The following CNTN5 variants were observed in gnomAD, a reference collection of about 807,000 sequenced individuals.
CNTN5 encodes the protein contactin-5.
CNTN5 carries 77 observed loss-of-function variants against 129.1 expected under a neutral mutation model. That is an observed-to-expected ratio of 0.60 (90% CI 0.50 to 0.72). The LOEUF (loss-of-function observed/expected upper bound fraction) is 0.72, where lower values mean the gene tolerates loss of function less well. CNTN5 is among the 30% of genes least tolerant of loss of function. The probability of loss-of-function intolerance (pLI) is 0.00; values close to 1 mark genes in which losing one functional copy is unlikely to be tolerated. For synonymous variants in CNTN5, 509 were observed against 465.6 expected, an observed-to-expected ratio of 1.09 and a Z score of -1.20; for missense variants, 1,478 against 1,328.8, an observed-to-expected ratio of 1.11 and a Z score of -1.75.
intron 3 of CNTN5, among the ~76,000 whole-genome samples, chr11:99,761,588 C>T (rs1944584205): frequency 1.3e-5 from 2 of 152,032 alleles, no homozygotes; most frequent in South Asian, 2.1e-4. Flanking sequence ...CTACAAAGGA[C>T]ATGAACTCAT....
At chr11:99,407,492 C>A (rs541587889) in intron 2 of CNTN5, among the ~76,000 whole-genome samples, 2 of 152,114 alleles carry the variant, frequency 1.3e-5, no homozygotes, top group African/African-American at 4.8e-5. Context: ...GGGTCTCTTT[C>A]GGAGCCGTGA....
intron 2 of CNTN5, among the ~76,000 whole-genome samples, chr11:99,481,079 C>A (rs1305750816): frequency 6.6e-6 from 1 of 152,002 alleles, no homozygotes. Flanking sequence ...TCCTATATCT[C>A]AGTTCCACAG....
At chr11:100,009,492 A>G (rs12289401) in intron 9 of CNTN5, among the ~76,000 whole-genome samples, 63,317 of 151,928 alleles carry the variant, frequency 0.42, 14,079 homozygotes, top group African/African-American at 0.55. Context: ...TGGAAAGAAA[A>G]GACTGGTTTA....
In CNTN5 at chr11:100,138,304, A is replaced by G. The variant is rs1201115909; in HGVS notation, c.1581-52822A>G. 4.6e-5 allele frequency among the ~76,000 whole-genome samples: 7 copies of G among 152,124 alleles called. No homozygotes were observed. The South Asian group carries it at 1.0e-3, about 23-fold the overall frequency. ...TTTTGAGTTAACATTCACTGATTCAATAAATACTCATGGAGTACCTACTAT... is the reference window on the plus strand; with the variant it reads ...TTTTGAGTTAACATTCACTGATTCAGTAAATACTCATGGAGTACCTACTAT... On this transcript the variant is annotated intron_variant, in intron 13 of 24. Coordinates refer to ENST00000524871, the MANE Select transcript of CNTN5 (RefSeq NM_014361.4).
intron 1 of CNTN5, among the ~76,000 whole-genome samples, chr11:99,077,840 T>C (rs1195200993): frequency 1.3e-5 from 2 of 152,140 alleles, no homozygotes; most frequent in African/African-American, 2.4e-5. Context: ...TGCCTCCCCT[T>C]TCCCTTCCCC....
chr11:99,131,464 G>A lies in CNTN5; in HGVS notation c.-210+110194G>A, dbSNP rs80329907. Among the ~76,000 whole-genome samples, 241 of 151,772 alleles carry A rather than the reference G, an allele frequency of 1.6e-3. 6 individuals are homozygous for A. The East Asian group carries it at 0.034, about 21-fold the overall frequency. ...AACCCTTCAAAAATTAACAAATACCGGAACTGGTTTTTTGAAAAAATCAAT... is the reference window on the plus strand; with the variant it reads ...AACCCTTCAAAAATTAACAAATACCAGAACTGGTTTTTTGAAAAAATCAAT... On this transcript the variant is annotated intron_variant, in intron 1 of 24. Transcript: ENST00000524871.
At chr11:99,727,796 A>G (rs1943402485) in intron 3 of CNTN5, among the ~76,000 whole-genome samples, 1 of 152,112 alleles carries the variant, frequency 6.6e-6, no homozygotes. Context: ...AAACTGTCAT[A>G]TTTATTGTGT....
chr11:99,657,951 T>C (rs766756181), intron 3 of CNTN5, among the ~76,000 whole-genome samples: 1 of 152,172 alleles, frequency 6.6e-6, no homozygotes, highest in African/African-American at 2.4e-5. Flanking sequence ...CTCTAATGGA[T>C]ACTATGTTTG....
At chr11:99,159,194 T>C (rs1220110012) in intron 1 of CNTN5, among the ~76,000 whole-genome samples, 2 of 152,234 alleles carry the variant, frequency 1.3e-5, no homozygotes, top group African/African-American at 4.8e-5. Context: ...AATGTATATT[T>C]CCTGAAGAGC....
intron 3 of CNTN5, among the ~76,000 whole-genome samples, chr11:99,642,918 C>T (rs1305062019): frequency 1.3e-5 from 2 of 152,096 alleles, no homozygotes; most frequent in African/African-American, 2.4e-5. Context: ...TTGCAAATGA[C>T]AGGTTTTATT....
At chr11:99,074,820 A>C (rs1038457531) in intron 1 of CNTN5, among the ~76,000 whole-genome samples, 3 of 152,188 alleles carry the variant, frequency 2.0e-5, no homozygotes, top group African/African-American at 4.8e-5. Flanking sequence ...TAGATTCAAA[A>C]AGAAAAAGAA....
intron 1 of CNTN5, among the ~76,000 whole-genome samples, chr11:99,177,008 C>G (rs921605267): frequency 1.3e-5 from 2 of 152,186 alleles, no homozygotes; most frequent in African/African-American, 4.8e-5. Context: ...CTCTGACCTT[C>G]CCACTGTAAA....
chr11:100,194,657 C>T (rs988496064), intron 15 of CNTN5, among the ~76,000 whole-genome samples: 2 of 150,650 alleles, frequency 1.3e-5, no homozygotes, highest in African/African-American at 2.4e-5. Flanking sequence ...GATCAAATCC[C>T]AGCTTAATCT....
chr11:100,054,287 A>G (rs1943107432), intron 9 of CNTN5, among the ~76,000 whole-genome samples: 3 of 151,730 alleles, frequency 2.0e-5, no homozygotes, highest in Admixed American at 2.0e-4. Context: ...AAAGTTACCC[A>G]GTGAAGGATG....
chr11:99,029,916 C>A (rs1863282199), intron 1 of CNTN5, among the ~76,000 whole-genome samples: 1 of 152,000 alleles, frequency 6.6e-6, no homozygotes, highest in East Asian at 1.9e-4. Flanking sequence ...GGTTTTGATC[C>A]ACTGTTACTC....
chr11:100,163,021 A>T (rs867423012), intron 13 of CNTN5, among the ~76,000 whole-genome samples: 4 of 151,812 alleles, frequency 2.6e-5, no homozygotes, highest in African/African-American at 9.7e-5. Flanking sequence ...TGTGCCTCCT[A>T]CAGCCTTAGA....
chr11:99,837,900 T>A (rs1947357101), intron 4 of CNTN5, among the ~76,000 whole-genome samples: 1 of 152,132 alleles, frequency 6.6e-6, no homozygotes, highest in African/African-American at 2.4e-5. Context: ...TCATTTTTGT[T>A]AATTTCTCAT....
intron 1 of CNTN5, among the ~76,000 whole-genome samples, chr11:99,109,007 G>T (rs1391668394): frequency 2.0e-5 from 3 of 150,694 alleles, no homozygotes; most frequent in African/African-American, 4.9e-5. Flanking sequence ...AGTAAATGTA[G>T]ATACACATAT....
At chr11:100,198,517 T>C (rs766930085) in intron 15 of CNTN5, among the ~76,000 whole-genome samples, 2 of 151,886 alleles carry the variant, frequency 1.3e-5, no homozygotes, top group African/African-American at 2.4e-5. Flanking sequence ...CCTCAGTGAG[T>C]AGCATTAGAA....
Sources: gnomAD v4.1 joint callset for allele counts (sites outside exome capture counted in the v4.1 genomes callset) on GRCh38, gnomAD v4.1.1 for gene constraint, MANE v1.5 for transcripts, NCBI Gene and HGNC (gene_info 2026-07-23, HGNC 2026-07-21) for gene names.